The following GRID2 variants were observed in gnomAD, a reference collection of about 807,000 sequenced individuals.
GRID2 encodes glutamate ionotropic receptor delta type subunit 2.
Under a neutral mutation model 114.8 loss-of-function variants are expected in GRID2, and 33 were observed. The observed-to-expected ratio is 0.29, with a 90% CI of 0.22 to 0.38. The LOEUF is 0.38. Ranked by LOEUF, GRID2 falls within the 10% of genes least tolerant of loss-of-function variation. The pLI is 1.00. For synonymous variants in GRID2, 505 were observed against 449.9 expected, an observed-to-expected ratio of 1.12 and a Z score of -1.55; for missense variants, 1,184 against 1,257.7, an observed-to-expected ratio of 0.94 and a Z score of 0.89.
rs551707939 is a variant in GRID2, at chr4:92,897,674, A to T, written c.245-187321A>T. Among the ~76,000 whole-genome samples, 4 of 152,296 alleles carry T rather than the reference A, an allele frequency of 2.6e-5. No individual in the cohort carries two copies. The East Asian group carries it at 7.7e-4, about 29-fold the overall frequency. On this transcript the variant is annotated intron_variant, in intron 2 of 15. Transcript: ENST00000282020. The stretch of plus-strand genomic sequence containing the variant: ...TTTGAGAAAGTCATTCAAGTGTGTA[A>T]CTATATAGGAAATGTATTACTTTAT...
chr4:92,308,629 A>G (rs1052504821), intron 1 of GRID2, among the ~76,000 whole-genome samples: 4 of 152,178 alleles, frequency 2.6e-5, no homozygotes, highest in Non-Finnish European at 5.9e-5. Context: ...ATTAAAAACA[A>G]TAATAGATTG....
At chr4:93,719,275 A>G (rs146306382) in intron 14 of GRID2, among the ~76,000 whole-genome samples, 9 of 152,254 alleles carry the variant, frequency 5.9e-5, no homozygotes, top group East Asian at 1.9e-4. Context: ...GTTTGACAAG[A>G]TAAACAGAAG....
At chr4:93,688,765 A>G (rs944787373) in intron 14 of GRID2, among the ~76,000 whole-genome samples, 3 of 152,088 alleles carry the variant, frequency 2.0e-5, no homozygotes, top group African/African-American at 7.2e-5. Flanking sequence ...TCACAATAAC[A>G]TTATACTGTC....
intron 8 of GRID2, among the ~76,000 whole-genome samples, chr4:93,296,822 G>A (rs1754358660): frequency 6.6e-6 from 1 of 152,098 alleles, no homozygotes; most frequent in Non-Finnish European, 1.5e-5. Flanking sequence ...GTCTACAAGG[G>A]TAAGTCGTTG....
chr4:93,480,021 A>G (rs1725693405), intron 11 of GRID2, among the ~76,000 whole-genome samples: 2 of 152,282 alleles, frequency 1.3e-5, no homozygotes, highest in South Asian at 4.1e-4. Context: ...TTCACAAAAT[A>G]GCTTTTCTTC....
rs1731985219 is a variant in GRID2 at position 93,104,276 on chromosome 4, C to G, written c.530-6472C>G. Reference sequence around the variant, plus strand: ...TATCAAATTACCACAAATTTAGAGGCTTAAACAACACAAGTTATTAATAGT... The same window carrying G: ...TATCAAATTACCACAAATTTAGAGGGTTAAACAACACAAGTTATTAATAGT... On this transcript the variant is annotated intron_variant, in intron 3 of 15. Coordinates refer to ENST00000282020, the MANE Select transcript of GRID2 (RefSeq NM_001510.4). Among the ~76,000 whole-genome samples, 3 of 152,154 alleles carry G rather than the reference C, an allele frequency of 2.0e-5. No individual in the cohort carries two copies. The South Asian group carries it at 6.2e-4, about 32-fold the overall frequency.
intron 4 of GRID2, among the ~76,000 whole-genome samples, chr4:93,142,888 G>C (rs1003521709): frequency 6.6e-6 from 1 of 152,172 alleles, no homozygotes; most frequent in Non-Finnish European, 1.5e-5. Context: ...TGGAGAGAGA[G>C]AATTTTATTT....
At chr4:93,100,436 T>C (rs1578986644) in intron 3 of GRID2, among the ~76,000 whole-genome samples, 1 of 152,002 alleles carries the variant, frequency 6.6e-6, no homozygotes, top group East Asian at 1.9e-4. Flanking sequence ...AAGTTTTTTC[T>C]AAGCAAGATT....
At chr4:93,075,893 T>C (rs1208354453) in intron 2 of GRID2, among the ~76,000 whole-genome samples, 444 of 33,576 alleles carry the variant, frequency 0.013, 15 homozygotes, top group African/African-American at 0.049. Context: ...CTTTTTTTTT[T>C]TTTTTTTTTT....
intron 12 of GRID2, among the ~76,000 whole-genome samples, chr4:93,501,794 C>T (rs972497856): frequency 5.9e-5 from 9 of 152,048 alleles, no homozygotes; most frequent in Admixed American, 3.3e-4. Context: ...TCTTCCACAG[C>T]TTCTAAAATA....
intron 1 of GRID2, among the ~76,000 whole-genome samples, chr4:92,458,539 T>C (rs1721327118): frequency 6.6e-6 from 1 of 152,170 alleles, no homozygotes; most frequent in South Asian, 2.1e-4. Flanking sequence ...TGTGTTTGTT[T>C]TGTATTCTGT....
intron 2 of GRID2, among the ~76,000 whole-genome samples, chr4:92,650,063 C>A (rs1337634414): frequency 6.6e-6 from 1 of 151,872 alleles, no homozygotes; most frequent in Non-Finnish European, 1.5e-5. Context: ...AAGCTGGGGA[C>A]TGTATGTAAT....
intron 2 of GRID2, among the ~76,000 whole-genome samples, chr4:92,695,462 C>T (rs998509323): frequency 1.9e-4 from 29 of 151,808 alleles, no homozygotes; most frequent in African/African-American, 6.5e-4. Context: ...GAAAGAAATT[C>T]ATATTTTATC....
At chr4:92,612,539 G>T (rs1342492552) in intron 2 of GRID2, among the ~76,000 whole-genome samples, 2 of 151,344 alleles carry the variant, frequency 1.3e-5, no homozygotes, top group Non-Finnish European at 3.0e-5. Context: ...TCAATTTGGG[G>T]ATGATTACCA....
rs1276430492 is a variant in GRID2 at position 93,096,726 on chromosome 4, T to A, written c.529+11447T>A. ...ACCTCTGATACTTTGCTGGTTGGAA[T>A]GTAAAACATACAGCCACTTAGGAGA... On this transcript the variant is annotated intron_variant, in intron 3 of 15. Coordinates refer to ENST00000282020, the MANE Select transcript of GRID2 (RefSeq NM_001510.4). Among the ~76,000 whole-genome samples the A allele has an allele frequency of 2.0e-5, 3 of 152,146 alleles. No homozygotes were observed. The South Asian group carries it at 6.2e-4, about 32-fold the overall frequency.
intron 8 of GRID2, among the ~76,000 whole-genome samples, chr4:93,259,097 A>G (rs1345961871): frequency 6.6e-6 from 1 of 151,818 alleles, no homozygotes; most frequent in Non-Finnish European, 1.5e-5. Context: ...CTTTAAGTTG[A>G]TCTTGGTGAC....
At chr4:92,790,580 T>C (rs75698473) in intron 2 of GRID2, among the ~76,000 whole-genome samples, 3,149 of 151,810 alleles carry the variant, frequency 0.021, 46 homozygotes, top group Middle Eastern at 0.037. Flanking sequence ...CACGCCCAGC[T>C]AATTTTGTTT....
intron 1 of GRID2, among the ~76,000 whole-genome samples, chr4:92,366,634 A>AGCTACATAAGAAATCAAATC (rs1336496500): frequency 6.6e-6 from 1 of 152,028 alleles, no homozygotes; most frequent in African/African-American, 2.4e-5. Context: ...TTACTTTATA[A>AGCTACATAAGAAATCAAATC]GCTACATAAG....
chr4:93,171,126 C>T (rs1738776575), intron 4 of GRID2, among the ~76,000 whole-genome samples: 1 of 152,170 alleles, frequency 6.6e-6, no homozygotes, highest in South Asian at 2.1e-4. Context: ...AATAAAAAGG[C>T]TTTGCAATGA....
Sources: gnomAD v4.1 joint callset for allele counts (sites outside exome capture counted in the v4.1 genomes callset) on GRCh38, gnomAD v4.1.1 for gene constraint, MANE v1.5 for transcripts, NCBI Gene and HGNC (gene_info 2026-07-23, HGNC 2026-07-21) for gene names.